CAPN10: variants seen among roughly 807,000 people sequenced by gnomAD.
The protein encoded by CAPN10 is calpain 10, also known as calpain-10.
A neutral mutation model predicts 78.4 loss-of-function variants in CAPN10; 71 were observed. The ratio of observed to expected loss-of-function variants is 0.91; its 90% CI spans 0.75 to 1.10. CAPN10 has a LOEUF of 1.10. CAPN10 is among the 50% of genes least tolerant of loss of function. The probability of loss-of-function intolerance (pLI) is 0.00; values close to 1 mark genes in which losing one functional copy is unlikely to be tolerated. For missense variants in CAPN10, 849 were observed against 924.6 expected (o/e 0.92, Z 1.06); for synonymous variants, 437 against 407.2 (o/e 1.07, Z -0.88).
intron 7 of CAPN10, 88 bp downstream of exon 7, chr2:240,595,392 G>T: frequency 7.2e-7 from 1 of 1,388,600 alleles, no homozygotes; most frequent in South Asian, 1.3e-5. Context: ...GCTCTGCCGG[G>T]ACACATGTGA....
At chr2:240,595,876 C>A in intron 7 of CAPN10, 1 of 1,200,440 alleles carries the variant, frequency 8.3e-7, no homozygotes, top group African/African-American at 1.6e-5. Context: ...GAGTGTGGGT[C>A]GAGGATATGC....
At chr2:240,592,923 A>T (rs3792272) in intron 4 of CAPN10, 86,780 of 162,580 alleles carry the variant, frequency 0.53, 24,394 homozygotes, top group East Asian at 0.64. Context: ...GGATTATTTT[A>T]AAAATATGGG....
rs1208862333 is a variant in CAPN10, at chr2:240,593,921, G to A, written c.704G>A (p.Gly235Glu). Residue 235 changes from glycine (G) to glutamate (E), a missense_variant, in exon 5 of 12, where the codon GGG becomes GAG. Transcript: ENST00000391984. ...CCTCATGCAGGTGCCCGGGAGCTGGGGGAGTTCCATGCCTTCATTGTCTCG... is the reference window on the plus strand; with the variant it reads ...CCTCATGCAGGTGCCCGGGAGCTGGAGGAGTTCCATGCCTTCATTGTCTCG... ...LSPRAGAREL[G>E]EFHAFIVSDL... is the part of the protein sequence containing the mutation. 2.8e-5 allele frequency: 45 copies of A among 1,603,508 alleles called. No individual in the cohort carries two copies. Among genetic ancestry groups the A allele is most frequent in the Non-Finnish European group, 3.7e-5 (43 of 1,172,642 alleles).
rs146771809 is a variant in CAPN10, at chr2:240,594,685, G to A, written c.973G>A (p.Gly325Ser). ...LTVGYPVTEA[G>S]HLQSLYTERL... ...CGTTGGCTACCCGGTCACGGAGGCC[G>A]GCCACCTGCAGAGCCTCTACACAGG... Residue 325 changes from glycine (G) to serine (S), a missense_variant, in exon 6 of 12, where the codon GGC (glycine) becomes AGC (serine). Physicochemically the swap from Gly to Ser is moderately conservative, Grantham distance 56 (BLOSUM62 0). Coordinates refer to ENST00000391984, the MANE Select transcript of CAPN10 (RefSeq NM_023083.4). The A allele has an allele frequency of 3.1e-6, 5 of 1,613,110 alleles. No individual in the cohort carries two copies. In the African/African-American group the frequency reaches 4.0e-5, roughly 13 times the overall value.
chr2:240,596,456 C>G lies in CAPN10; in HGVS notation c.1416C>G (p.Thr472=). ...SPGYYLAVPS[T]FLKDAPGEFL... ...GCTACTACCTGGCTGTCCCCAGCACCTTCCTGAAGGACGCGCCAGGGGAGT... is the reference window on the plus strand; with the variant it reads ...GCTACTACCTGGCTGTCCCCAGCACGTTCCTGAAGGACGCGCCAGGGGAGT... The change falls in exon 8 of 12, where the codon ACC becomes ACG. Residue 472 remains threonine, a synonymous_variant. Coordinates refer to ENST00000391984, the MANE Select transcript of CAPN10 (RefSeq NM_023083.4). 1 of 1,613,532 alleles carries G rather than the reference C, an allele frequency of 6.2e-7. No individual in the cohort carries two copies. The highest frequency in any genetic ancestry group is 8.5e-7 in the Non-Finnish European group (1 of 1,179,762).
intron 7 of CAPN10, 143 bp downstream of exon 7, chr2:240,595,447 CACGGGGT>C (rs2093130879): frequency 1.1e-6 from 1 of 899,062 alleles, no homozygotes; most frequent in Admixed American, 2.3e-5. Context: ...TGGGCTGTTG[CACGGGGT>C]TGACGTCTGC....
rs748756122 is a variant in CAPN10, at chr2:240,594,017, G to A, written c.800G>A (p.Arg267Gln). The change falls in exon 5 of 12, where the codon CGG becomes CAG. Residue 267 changes from arginine (R) to glutamine (Q), a missense_variant. Coordinates refer to ENST00000391984, the MANE Select transcript of CAPN10 (RefSeq NM_023083.4). ...LLLRIQNPWG[R>Q]RCWQGLWREG... ...CTGCGGATCCAGAACCCCTGGGGCC[G>A]GCGGTGCTGGCAGGGGCTCTGGAGA... 11 of 1,609,124 alleles carry A rather than the reference G, an allele frequency of 6.8e-6. No homozygotes were observed. The highest frequency in any genetic ancestry group is 4.5e-5 in the East Asian group (2 of 44,768).
chr2:240,596,046 C>T (rs2093134350), intron 7 of CAPN10: 3 of 1,511,860 alleles, frequency 2.0e-6, no homozygotes, highest in Non-Finnish European at 2.7e-6. Context: ...CAGCAGCCCC[C>T]AGGTTGCCTG....
chr2:240,598,012 A>G lies in CAPN10; in HGVS notation c.1868A>G (p.Tyr623Cys), dbSNP rs761042233. 22 of 1,613,052 alleles carry G rather than the reference A, an allele frequency of 1.4e-5. No homozygotes were observed. Among genetic ancestry groups the G allele is most frequent in the Non-Finnish European group, 1.8e-5 (21 of 1,179,896 alleles). ...CTCTGCCTCCTGCCTGCGGGCACCT[A>G]CAAGGTTGTGCCCTCCACCTACCTG... ...SRLCLLPAGT[Y>C]KVVPSTYLPD... Residue 623 changes from tyrosine (Y) to cysteine (C), a missense_variant, in exon 10 of 12, where the codon TAC (tyrosine) becomes TGC (cysteine). Tyr to Cys is a radical substitution (Grantham distance 194). Coordinates refer to ENST00000391984, the MANE Select transcript of CAPN10 (RefSeq NM_023083.4).
chr2:240,594,130 G>A, intron 5 of CAPN10, 83 bp downstream of exon 5: 1 of 1,398,720 alleles, frequency 7.1e-7, no homozygotes, highest in Non-Finnish European at 9.6e-7. Context: ...ACCTTCAGCT[G>A]TCAGGACTGT....
rs755526688 is a variant in CAPN10 at position 240,586,791 on chromosome 2, A to AGGGCT, written c.-116_-112dup. 69 of 1,027,358 alleles carry AGGGCT rather than the reference A, an allele frequency of 6.7e-5. No individual in the cohort carries two copies. The highest frequency in any genetic ancestry group is 1.7e-4 in the African/African-American group (10 of 59,152). The allele number at this position is 1,027,358 out of a possible 1,614,324, so 63.6% of individuals were successfully genotyped here. ...GCACCTGCGGGGCCCTCGGGCTTGG[A>AGGGCT]GGGCTGGGCCGGGCGGGGAACGGGC... On this transcript the variant is annotated 5_prime_UTR_variant, in exon 1 of 12. Transcript: ENST00000391984.
chr2:240,588,597 T>A (rs2093082668), intron 1 of CAPN10, among the ~76,000 whole-genome samples: 1 of 151,960 alleles, frequency 6.6e-6, no homozygotes, highest in African/African-American at 2.4e-5. Flanking sequence ...CCAGTGGGTT[T>A]GATAACATAG....
Position 240,598,996 on chromosome 2 carries a change from G to C in CAPN10, c.*316G>C, listed in dbSNP as rs1035205789. The C allele has an allele frequency of 1.0e-5, 5 of 489,176 alleles. No individual in the cohort carries two copies. The highest frequency in any genetic ancestry group is 3.8e-5 in the African/African-American group (2 of 52,518). 30.3% of individuals were successfully genotyped at this position (489,176 alleles called of 1,614,324 possible). A position where few individuals can be genotyped will look rare whatever the true frequency, so the allele number is the denominator to read the frequency against. On this transcript the variant is annotated 3_prime_UTR_variant, in exon 12 of 12. Coordinates refer to ENST00000391984, the MANE Select transcript of CAPN10 (RefSeq NM_023083.4). Reference sequence around the variant, plus strand: ...AGATCCTCTGCTGACTCCATATGGAGGCCTCACACCCAGAGGGTAGGGCAG... The same window carrying C: ...AGATCCTCTGCTGACTCCATATGGACGCCTCACACCCAGAGGGTAGGGCAG...
chr2:240,591,929 C>T lies in CAPN10; in HGVS notation c.471-4C>T, dbSNP rs1402485807. On this transcript the variant is annotated splice_polypyrimidine_tract_variant and splice_region_variant and intron_variant, in intron 3 of 11. Transcript: ENST00000391984. Reference sequence around the variant, plus strand: ...CTCACTCCCATGGTGATTGTGTCCCCTAGGGTCCATGGGTCCTACGAGCAC... The same window carrying T: ...CTCACTCCCATGGTGATTGTGTCCCTTAGGGTCCATGGGTCCTACGAGCAC... 4.3e-6 allele frequency: 7 copies of T among 1,611,870 alleles called. No homozygotes were observed. Among genetic ancestry groups the T allele is most frequent in the South Asian group, 1.1e-5 (1 of 90,596 alleles).
intron 4 of CAPN10, 136 bp from the exon 5 acceptor site, chr2:240,593,770 A>G: frequency 1.0e-6 from 1 of 1,004,728 alleles, no homozygotes; most frequent in South Asian, 2.0e-5. Context: ...GTCCATGGGG[A>G]TCTGGGGTCT....
intron 5 of CAPN10, 41 bp from the exon 6 acceptor site, chr2:240,594,502 G>T: frequency 6.3e-7 from 1 of 1,589,356 alleles, no homozygotes; most frequent in Non-Finnish European, 8.6e-7. Flanking sequence ...GACACTACCA[G>T]TTCTCGGGAG....
chr2:240,598,296 C>A, intron 10 of CAPN10, 56 bp from the exon 11 acceptor site: 22 of 1,592,944 alleles, frequency 1.4e-5, no homozygotes, highest in Non-Finnish European at 1.8e-5. Flanking sequence ...CAGGAGCACA[C>A]AGCCACTTGT....
chr2:240,595,230 G>A lies in CAPN10; in HGVS notation c.1204G>A (p.Asp402Asn). ...AGGCCGGGCCCGGGCACTGGTGGGTGACAGTCATACTTCGTGGAGCCCAGC... is the reference window on the plus strand; with the variant it reads ...AGGCCGGGCCCGGGCACTGGTGGGTAACAGTCATACTTCGTGGAGCCCAGC... ...WAGRARALVG[D>N]SHTSWSPASI... Residue 402 changes from aspartate to asparagine, a missense_variant, in exon 7 of 12, where the codon GAC (aspartate) becomes AAC (asparagine). By Grantham distance (23) the Asp-to-Asn change is conservative. Transcript: ENST00000391984. The A allele has an allele frequency of 1.2e-6, 2 of 1,613,648 alleles. No homozygotes were observed. The highest frequency in any genetic ancestry group is 1.7e-6 in the Non-Finnish European group (2 of 1,180,018).
At chr2:240,591,709 G>T in intron 3 of CAPN10, 1 of 579,556 alleles carries the variant, frequency 1.7e-6, no homozygotes, top group Non-Finnish European at 3.1e-6. Context: ...GAGTTTCTGT[G>T]TGTGGGCAGA....
Sources: allele counts gnomAD v4.1 joint callset (sites outside exome capture counted in the v4.1 genomes callset), GRCh38; gene constraint gnomAD v4.1.1; transcripts MANE v1.5; gene names NCBI Gene and HGNC (gene_info 2026-07-23, HGNC 2026-07-21).